Variants in SLC16A9 observed in about 807,000 individuals in gnomAD.
The protein encoded by SLC16A9 is monocarboxylate transporter 9.
SLC16A9 carries 26 observed loss-of-function variants against 44.3 expected under a neutral mutation model. The ratio of observed to expected loss-of-function variants is 0.59; its 90% CI spans 0.43 to 0.81. The LOEUF (loss-of-function observed/expected upper bound fraction) is 0.81, where lower values mean the gene tolerates loss of function less well. Among genes scored for constraint, SLC16A9 ranks in the 40% least tolerant of loss-of-function variants. SLC16A9 has a pLI of 0.00. For synonymous variants in SLC16A9, 230 were observed against 225.1 expected (o/e 1.02, Z -0.19); for missense variants, 559 against 595.8 (o/e 0.94, Z 0.64).
intron 2 of SLC16A9, among the ~76,000 whole-genome samples, chr10:59,680,546 T>C (rs12772586): frequency 0.11 from 17,411 of 152,240 alleles, 1,145 homozygotes; most frequent in Non-Finnish European, 0.14. Flanking sequence ...CAAGAAGAAA[T>C]CTACAATAGT....
chr10:59,702,098 A>G (rs2132547454), intron 1 of SLC16A9, among the ~76,000 whole-genome samples: 1 of 152,340 alleles, frequency 6.6e-6, no homozygotes, highest in East Asian at 1.9e-4. Flanking sequence ...TTGAAAGCCT[A>G]CTTACCTAAA....
intron 3 of SLC16A9, among the ~76,000 whole-genome samples, chr10:59,670,462 C>CACAG (rs1474462574): frequency 1.3e-5 from 2 of 152,160 alleles, no homozygotes; most frequent in Non-Finnish European, 2.9e-5. Flanking sequence ...AGTTACAAAA[C>CACAG]ATGTTTACAG....
intron 2 of SLC16A9, among the ~76,000 whole-genome samples, chr10:59,680,361 A>C (rs1173809316): frequency 6.6e-6 from 1 of 152,192 alleles, no homozygotes; most frequent in African/African-American, 2.4e-5. Flanking sequence ...AAAGCCCAGG[A>C]GTAGGACTTT....
chr10:59,675,982 T>A (rs1041744800), intron 2 of SLC16A9, among the ~76,000 whole-genome samples: 1 of 152,354 alleles, frequency 6.6e-6, no homozygotes, highest in Non-Finnish European at 1.5e-5. Flanking sequence ...TGCCTTGGTC[T>A]CTTTCTCTGC....
chr10:59,654,740 A>G (rs753831803), intron 4 of SLC16A9, 151 bp from the exon 5 acceptor site: 2 of 661,784 alleles, frequency 3.0e-6, no homozygotes, highest in Non-Finnish European at 4.8e-6. Context: ...TAACAATAAT[A>G]ACAATAATAT....
Position 59,652,030 on chromosome 10 carries a change from AG to A in SLC16A9, c.*741del, listed in dbSNP as rs1416001440. 1 of 152,188 alleles carries A rather than the reference AG, an allele frequency of 6.6e-6. No individual in the cohort carries two copies. The highest frequency in any genetic ancestry group is 2.4e-5 in the African/African-American group (1 of 41,438). 9.4% of individuals were successfully genotyped at this position (152,188 alleles called of 1,614,324 possible). A position where few individuals can be genotyped will look rare whatever the true frequency, so the allele number is the denominator to read the frequency against. The stretch of plus-strand genomic sequence containing the variant: ...AGTGGATGGCCAAGAAGCAAAAGTG[AG>A]CAAGGTTGGAGTGGTCAACCATGAA... On this transcript the variant is annotated 3_prime_UTR_variant, in exon 6 of 6. Coordinates refer to ENST00000395348, the MANE Select transcript of SLC16A9 (RefSeq NM_194298.3).
At chr10:59,697,124 C>T (rs1840409431) in intron 1 of SLC16A9, among the ~76,000 whole-genome samples, 1 of 111,940 alleles carries the variant, frequency 8.9e-6, no homozygotes, top group Non-Finnish European at 1.9e-5. Flanking sequence ...GTTCAGCCCC[C>T]CGCCCAGCCA....
At chr10:59,659,686 A>G (rs1839428648) in intron 4 of SLC16A9, among the ~76,000 whole-genome samples, 3 of 152,152 alleles carry the variant, frequency 2.0e-5, no homozygotes, top group Admixed American at 2.0e-4. Context: ...CCCCAAATCA[A>G]CAGAATATAC....
rs1839219493 is a variant in SLC16A9, at chr10:59,652,234, A to G, written c.*538T>C. The G allele has an allele frequency of 6.6e-6, 1 of 152,206 alleles. No individual in the cohort carries two copies. Among genetic ancestry groups the G allele is most frequent in the Non-Finnish European group, 1.5e-5 (1 of 68,046 alleles). The allele number at this position is 152,206 out of a possible 1,614,324, so 9.4% of individuals were successfully genotyped here. A position where few individuals can be genotyped will look rare whatever the true frequency, so the allele number is the denominator to read the frequency against. On this transcript the variant is annotated 3_prime_UTR_variant, in exon 6 of 6. Transcript: ENST00000395348. Reference sequence around the variant, plus strand: ...AATATATTTTTTTAAAAAATGACCAATTTGCTCCACTGCAATTCTTAAGGC... The same window carrying G: ...AATATATTTTTTTAAAAAATGACCAGTTTGCTCCACTGCAATTCTTAAGGC...
At chr10:59,657,780 A>G (rs1839382208) in intron 4 of SLC16A9, among the ~76,000 whole-genome samples, 1 of 152,210 alleles carries the variant, frequency 6.6e-6, no homozygotes, top group Admixed American at 6.5e-5. Context: ...TCATATGTCC[A>G]ATAACCCAAT....
intron 1 of SLC16A9, among the ~76,000 whole-genome samples, chr10:59,689,452 C>T (rs1392875507): frequency 1.3e-5 from 2 of 152,170 alleles, no homozygotes; most frequent in Non-Finnish European, 2.9e-5. Context: ...CAATAAAGGG[C>T]ATCTAACCCA....
intron 3 of SLC16A9, among the ~76,000 whole-genome samples, chr10:59,668,414 C>T (rs1455460702): frequency 2.0e-5 from 3 of 152,182 alleles, no homozygotes; most frequent in African/African-American, 2.4e-5. Context: ...CACTTCCTGC[C>T]TGTTTTTCAA....
At chr10:59,698,577 C>A (rs966086151) in intron 1 of SLC16A9, among the ~76,000 whole-genome samples, 1 of 152,128 alleles carries the variant, frequency 6.6e-6, no homozygotes, top group Admixed American at 6.5e-5. Context: ...ACAGGTTCAA[C>A]CACCCCAAAT....
intron 1 of SLC16A9, 86 bp from the exon 2 acceptor site, chr10:59,684,413 GAA>G (rs377400206): frequency 2.3e-3 from 920 of 396,682 alleles, no homozygotes; most frequent in South Asian, 4.5e-3. Flanking sequence ...CTCCTAAAGT[GAA>G]AAAAAAAAAA....
At chr10:59,705,019 G>A (rs1212551476) in intron 1 of SLC16A9, among the ~76,000 whole-genome samples, 1 of 152,134 alleles carries the variant, frequency 6.6e-6, no homozygotes, top group East Asian at 1.9e-4. Context: ...TGGGAATCAT[G>A]AGAATATTGG....
At chr10:59,696,130 G>T (rs962021291) in intron 1 of SLC16A9, among the ~76,000 whole-genome samples, 4 of 151,700 alleles carry the variant, frequency 2.6e-5, no homozygotes, top group South Asian at 2.1e-4. Flanking sequence ...TCCCTCTCTT[G>T]CCACGGTCTC....
rs557842533 is a variant in SLC16A9, at chr10:59,693,781, G to A, written c.-36-9454C>T. 6.6e-5 allele frequency among the ~76,000 whole-genome samples: 10 copies of A among 150,854 alleles called. No homozygotes were observed. The South Asian group carries it at 1.5e-3, about 22-fold the overall frequency. On this transcript the variant is annotated intron_variant, in intron 1 of 5. Coordinates refer to ENST00000395348, the MANE Select transcript of SLC16A9 (RefSeq NM_194298.3). ...GCTACAGGCGCCCGCCACCACACCC[G>A]GCTAATTTTTTTGTATTTTTAGTAA...
At chr10:59,677,853 T>C (rs2132468008) in intron 2 of SLC16A9, among the ~76,000 whole-genome samples, 1 of 152,234 alleles carries the variant, frequency 6.6e-6, no homozygotes, top group South Asian at 2.1e-4. Context: ...CGCACTTTTT[T>C]TTTTAAGTTT....
At chr10:59,704,415 T>C (rs1840595585) in intron 1 of SLC16A9, among the ~76,000 whole-genome samples, 1 of 152,200 alleles carries the variant, frequency 6.6e-6, no homozygotes, top group South Asian at 2.1e-4. Context: ...AAACTGAAGT[T>C]GAGAGACGTC....
Sources: allele counts gnomAD v4.1 joint callset (sites outside exome capture counted in the v4.1 genomes callset), GRCh38; gene constraint gnomAD v4.1.1; transcripts MANE v1.5; gene names NCBI Gene and HGNC (gene_info 2026-07-23, HGNC 2026-07-21).